The following EMC2 variants were observed in gnomAD, a reference collection of about 807,000 sequenced individuals.
EMC2 encodes the protein TPR repeat protein 35.
A neutral mutation model predicts 51.6 loss-of-function variants in EMC2; 37 were observed. The ratio of observed to expected loss-of-function variants is 0.72; its 90% confidence interval spans 0.55 to 0.94. The LOEUF is 0.94. EMC2 is among the 40% of genes least tolerant of loss of function. The pLI is 0.00. For missense variants in EMC2, 359 were observed against 350.9 expected, an observed-to-expected ratio of 1.02 and a Z score of -0.18; for synonymous variants, 131 against 112.4, an observed-to-expected ratio of 1.17 and a Z score of -1.04.
At chr8:108,448,372 G>C (rs1818931000) in intron 1 of EMC2, among the ~76,000 whole-genome samples, 1 of 152,040 alleles carries the variant, frequency 6.6e-6, no homozygotes, top group Non-Finnish European at 1.5e-5. Flanking sequence ...ATATGGTTTG[G>C]CTCTGTGTCC....
chr8:108,449,276 T>C (rs1286824143), intron 1 of EMC2, among the ~76,000 whole-genome samples: 1 of 15,128 alleles, frequency 6.6e-5, no homozygotes, highest in Admixed American at 5.2e-4. Flanking sequence ...CCATGCTGCC[T>C]TTTTTTTTTT....
intron 10 of EMC2, among the ~76,000 whole-genome samples, chr8:108,484,689 T>C (rs1263810188): frequency 6.6e-6 from 1 of 151,984 alleles, no homozygotes; most frequent in East Asian, 1.9e-4. Context: ...CATAAAACTT[T>C]TTCTCAGAAT....
At chr8:108,472,005 C>T (rs1226909670) in intron 7 of EMC2, among the ~76,000 whole-genome samples, 2 of 151,780 alleles carry the variant, frequency 1.3e-5, no homozygotes, top group East Asian at 3.9e-4. Context: ...TTCATTTTTA[C>T]GAGCTCTTTT....
At chr8:108,465,583 G>A (rs1402514529) in intron 5 of EMC2, among the ~76,000 whole-genome samples, 1 of 152,164 alleles carries the variant, frequency 6.6e-6, no homozygotes, top group African/African-American at 2.4e-5. Flanking sequence ...TTTGTGGTTC[G>A]TGGTATTCTT....
At chr8:108,455,416 G>A (rs1436702053) in intron 4 of EMC2, among the ~76,000 whole-genome samples, 1 of 151,952 alleles carries the variant, frequency 6.6e-6, no homozygotes, top group African/African-American at 2.4e-5. Flanking sequence ...CTTTTTTAGA[G>A]TTTCCATCTC....
At chr8:108,463,600 T>C (rs952121813) in intron 5 of EMC2, among the ~76,000 whole-genome samples, 1 of 152,222 alleles carries the variant, frequency 6.6e-6, no homozygotes, top group African/African-American at 2.4e-5. Context: ...TTGTCCTGAA[T>C]TGTGAACTCT....
chr8:108,466,635 G>C (rs1019439898), intron 5 of EMC2, among the ~76,000 whole-genome samples: 1 of 151,560 alleles, frequency 6.6e-6, no homozygotes, highest in Non-Finnish European at 1.5e-5. Flanking sequence ...AAAATTTTTC[G>C]TAGAGATAAC....
intron 10 of EMC2, among the ~76,000 whole-genome samples, chr8:108,482,706 C>A (rs1190245180): frequency 3.3e-5 from 5 of 152,062 alleles, no homozygotes; most frequent in Non-Finnish European, 7.4e-5. Flanking sequence ...GCCTCAGCCT[C>A]CCAACTAGCT....
At chr8:108,459,753 T>TGTGTGTGA (rs1819265824) in intron 5 of EMC2, among the ~76,000 whole-genome samples, 1 of 151,660 alleles carries the variant, frequency 6.6e-6, no homozygotes, top group Admixed American at 6.6e-5. Context: ...TGTGTGTGTG[T>TGTGTGTGA]GATTGTTTTG....
At chr8:108,467,995 G>T (rs1810762933) in intron 5 of EMC2, among the ~76,000 whole-genome samples, 1 of 152,138 alleles carries the variant, frequency 6.6e-6, no homozygotes, top group Admixed American at 6.6e-5. Flanking sequence ...GTTTGTAGAG[G>T]TTAAAACTAG....
At chr8:108,456,341 AAAAAAAG>A (rs1479688028) in intron 5 of EMC2, among the ~76,000 whole-genome samples, 3 of 147,486 alleles carry the variant, frequency 2.0e-5, no homozygotes, top group South Asian at 2.2e-4. Flanking sequence ...TCAAAAAAAA[AAAAAAAG>A]AAAAAAAAAA....
In EMC2 at chr8:108,486,536, A is replaced by G. The variant is rs753757967; in HGVS notation, c.832A>G (p.Thr278Ala). The change falls in exon 11 of 11, where the codon ACC (threonine) becomes GCC (alanine). Residue 278 changes from threonine to alanine, a missense_variant. Transcript: ENST00000220853. Reference sequence around the variant, plus strand: ...GTTTGCAGGTCGAAGTAAGAAGGAAACCAAATATTCTCTTAAGGCTGTCGA... The same window carrying G: ...GTTTGCAGGTCGAAGTAAGAAGGAAGCCAAATATTCTCTTAAGGCTGTCGA... ...YQFAGRSKKE[T>A]KYSLKAVEDM... 6.3e-7 allele frequency: 1 copy of G among 1,591,308 alleles called. No individual in the cohort carries two copies. Among genetic ancestry groups the G allele is most frequent in the Admixed American group, 1.7e-5 (1 of 57,568 alleles).
intron 5 of EMC2, among the ~76,000 whole-genome samples, chr8:108,462,796 G>T (rs867808410): frequency 1.3e-5 from 2 of 152,166 alleles, no homozygotes; most frequent in Middle Eastern, 3.4e-3. Flanking sequence ...GAGTGCAGTG[G>T]TGCAATCTCG....
intron 5 of EMC2, among the ~76,000 whole-genome samples, chr8:108,457,360 GTGTGTGT>G (rs1819195170): frequency 7.2e-6 from 1 of 139,242 alleles, no homozygotes; most frequent in African/African-American, 2.5e-5. Context: ...GTGTGTGTGT[GTGTGTGT>G]GTGTGTCTAT....
At position 108,450,510 on chromosome 8, in the gene EMC2, G is replaced by A; in HGVS notation, c.219+18G>A. ...TGGCATTGGTAGGTATTTAAATGAA[G>A]TATATATTTAATTTGCTTCATCAAT... On this transcript the variant is annotated intron_variant, in intron 3 of 10. Coordinates refer to ENST00000220853, the MANE Select transcript of EMC2 (RefSeq NM_014673.5). 1 of 1,422,770 alleles carries A rather than the reference G, an allele frequency of 7.0e-7. No homozygotes were observed. Among genetic ancestry groups the A allele is most frequent in the Non-Finnish European group, 9.9e-7 (1 of 1,005,640 alleles). The allele number at this position is 1,422,770 out of a possible 1,614,324, so 88.1% of individuals were successfully genotyped here. A position where few individuals can be genotyped will look rare whatever the true frequency, so the allele number is the denominator to read the frequency against.
At chr8:108,460,520 G>A (rs769265450) in intron 5 of EMC2, among the ~76,000 whole-genome samples, 1 of 152,280 alleles carries the variant, frequency 6.6e-6, no homozygotes, top group South Asian at 2.1e-4. Flanking sequence ...CCGATCACAT[G>A]TGATGAGTCA....
intron 1 of EMC2, among the ~76,000 whole-genome samples, chr8:108,445,804 A>T (rs1423671243): frequency 6.6e-6 from 1 of 152,234 alleles, no homozygotes; most frequent in African/African-American, 2.4e-5. Flanking sequence ...CTCAGTAATT[A>T]TTTGATGACT....
At chr8:108,464,509 A>G (rs1819418264) in intron 5 of EMC2, among the ~76,000 whole-genome samples, 3 of 152,148 alleles carry the variant, frequency 2.0e-5, no homozygotes, top group Admixed American at 2.0e-4. Flanking sequence ...CAAGTCTGTC[A>G]TTGAAGATCC....
chr8:108,485,793 G>A (rs1811127917), intron 10 of EMC2, among the ~76,000 whole-genome samples: 1 of 149,744 alleles, frequency 6.7e-6, no homozygotes, highest in African/African-American at 2.4e-5. Context: ...ACAAATATAG[G>A]GTATATTTTG....
Sources: gnomAD v4.1 joint callset for allele counts (sites outside exome capture counted in the v4.1 genomes callset) on GRCh38, gnomAD v4.1.1 for gene constraint, MANE v1.5 for transcripts, NCBI Gene and HGNC (gene_info 2026-07-23, HGNC 2026-07-21) for gene names.